The following DYSF variants were observed in gnomAD, a reference collection of about 807,000 sequenced individuals.
DYSF encodes dystrophy-associated fer-1-like 1.
A neutral mutation model predicts 274.9 loss-of-function variants in DYSF; 212 were observed. The ratio of observed to expected loss-of-function variants is 0.77; its 90% confidence interval spans 0.69 to 0.86. The LOEUF is 0.86. Among genes scored for constraint, DYSF ranks in the 40% least tolerant of loss-of-function variants. DYSF has a pLI of 0.00. For missense variants in DYSF, 2,666 were observed against 2,783.2 expected (o/e 0.96, Z 0.95); for synonymous variants, 1,091 against 1,078.7 (o/e 1.01, Z -0.22).
Position 71,612,671 on chromosome 2 carries a change from C to T in DYSF, c.4252C>T (p.Pro1418Ser), listed in dbSNP as rs151268930. 2.5e-5 allele frequency: 40 copies of T among 1,614,168 alleles called. No homozygotes were observed. The highest frequency in any genetic ancestry group is 3.4e-5 in the Non-Finnish European group (40 of 1,180,016). ...MLPREELYCP[P>S]ITVKVIDNRQ... is the part of the protein sequence containing the mutation. ...GCCCAGGGAGGAGCTCTACTGCCCC[C>T]CCATCACCGTCAAGGTCATCGATAA... is the stretch of plus-strand genomic sequence containing the variant. The change falls in exon 39 of 56, where the codon CCC (proline) becomes TCC (serine). Residue 1418 changes from proline (P) to serine (S), a missense_variant. This residue lies in a region of DYSF where 1,460 missense variants were observed against 1,502.1 expected (regional missense o/e 0.97). Transcript: ENST00000410020.
At chr2:71,632,910 C>T (rs954719392) in intron 41 of DYSF, among the ~76,000 whole-genome samples, 1 of 152,224 alleles carries the variant, frequency 6.6e-6, no homozygotes, top group Non-Finnish European at 1.5e-5. Flanking sequence ...GTCCCCTTGC[C>T]ATCTGTTTGA....
intron 33 of DYSF, among the ~76,000 whole-genome samples, chr2:71,600,057 G>C (rs1431676641): frequency 6.6e-6 from 1 of 152,196 alleles, no homozygotes; most frequent in African/African-American, 2.4e-5. Flanking sequence ...GACTCGGCAG[G>C]ACTGAGTGCA....
Position 71,520,890 on chromosome 2 carries a change from G to A in DYSF, c.1135G>A (p.Gly379Arg), listed in dbSNP as rs758663659. ...LKTSLCVLGP[G>R]DEAPLERKDP... ...AACAAGCCTTTGTGTGCTGGGGCCT[G>A]GGGACGAAGCGCCTGTGAGTACATT... is the stretch of plus-strand genomic sequence containing the variant. Residue 379 changes from glycine (G) to arginine (R), a missense_variant, in exon 12 of 56, where the codon GGG becomes AGG. Physicochemically the swap from Gly to Arg is moderately radical, Grantham distance 125 (BLOSUM62 -2). Transcript: ENST00000410020. 31 of 1,613,950 alleles carry A rather than the reference G, an allele frequency of 1.9e-5. No individual in the cohort carries two copies. The South Asian group carries it at 2.0e-4, about 10-fold the overall frequency.
chr2:71,656,248 G>A lies in DYSF; in HGVS notation c.4713G>A (p.Thr1571=), dbSNP rs369750372. 17 of 1,614,088 alleles carry A rather than the reference G, an allele frequency of 1.1e-5. No individual in the cohort carries two copies. Among genetic ancestry groups the A allele is most frequent in the African/African-American group, 6.7e-5 (5 of 74,930 alleles). The change falls in exon 43 of 56, where the codon ACG becomes ACA. Residue 1571 remains threonine (T), a synonymous_variant. Transcript: ENST00000410020. ...CCTTCAAGCTGTACCGGGGCAAGAC[G>A]CAGGAGGAGACAGAAGATCCATCTG... ...CNTFKLYRGK[T]QEETEDPSVI...
intron 51 of DYSF, among the ~76,000 whole-genome samples, chr2:71,673,514 A>AG (rs2095166987): frequency 6.6e-6 from 1 of 152,032 alleles, no homozygotes; most frequent in African/African-American, 2.4e-5. Flanking sequence ...GTGGAGAGGG[A>AG]GGAGCTGGGG....
At chr2:71,508,011 T>C (rs2085675962) in intron 4 of DYSF, among the ~76,000 whole-genome samples, 1 of 152,228 alleles carries the variant, frequency 6.6e-6, no homozygotes, top group Non-Finnish European at 1.5e-5. Flanking sequence ...GCTTGCACAT[T>C]ATGCAGCTGG....
chr2:71,641,145 CT>C (rs1251374687), intron 41 of DYSF, among the ~76,000 whole-genome samples: 1 of 146,574 alleles, frequency 6.8e-6, no homozygotes, highest in African/African-American at 2.5e-5. Context: ...AGTATATCTA[CT>C]TTTAAAAATT....
Position 71,561,774 on chromosome 2 carries a change from G to A in DYSF, c.2239G>A (p.Glu747Lys), listed in dbSNP as rs369209261. 4.6e-5 allele frequency: 75 copies of A among 1,614,030 alleles called. No individual in the cohort carries two copies. The highest frequency in any genetic ancestry group is 6.3e-5 in the Non-Finnish European group (74 of 1,180,032). The part of the protein sequence containing the change: ...GCSQPLGDIH[E>K]TPSATHLDQY... Reference sequence around the variant, plus strand: ...CAGCCAGCCTCTGGGTGACATCCATGAGACACCCTCTGCCACCCACCTGGA... The same window carrying A: ...CAGCCAGCCTCTGGGTGACATCCATAAGACACCCTCTGCCACCCACCTGGA... The change falls in exon 23 of 56, where the codon GAG becomes AAG. Residue 747 changes from glutamate to lysine, a missense_variant. By Grantham distance (56) the Glu-to-Lys change is moderately conservative. Around this residue, in one of 3 missense-constraint regions of DYSF, gnomAD observed 412 missense variants for 504.0 expected, o/e 0.82. Coordinates refer to ENST00000410020, the MANE Select transcript of DYSF (RefSeq NM_001130987.2).
At chr2:71,563,499 C>T (rs2091905235) in intron 23 of DYSF, among the ~76,000 whole-genome samples, 1 of 152,160 alleles carries the variant, frequency 6.6e-6, no homozygotes, top group Non-Finnish European at 1.5e-5. Context: ...GGCTTAGGGG[C>T]CTCACAGTTT....
intron 4 of DYSF, among the ~76,000 whole-genome samples, chr2:71,508,597 T>G (rs1204458732): frequency 6.6e-6 from 1 of 152,226 alleles, no homozygotes; most frequent in Non-Finnish European, 1.5e-5. Context: ...GTGTTTAGAT[T>G]TAGGCTGTGT....
intron 30 of DYSF, among the ~76,000 whole-genome samples, chr2:71,583,200 T>C (rs2092954165): frequency 6.6e-6 from 1 of 152,130 alleles, no homozygotes; most frequent in African/African-American, 2.4e-5. Context: ...TTCCTGAAAA[T>C]ATAATCTGCT....
intron 17 of DYSF, chr2:71,549,312 G>A (rs2090750004): frequency 6.2e-7 from 1 of 1,606,132 alleles, no homozygotes; most frequent in South Asian, 1.1e-5. Flanking sequence ...TCCCAGCCAT[G>A]CCCACCCTAA....
At chr2:71,593,621 G>A (rs2093332727) in intron 32 of DYSF, among the ~76,000 whole-genome samples, 1 of 152,166 alleles carries the variant, frequency 6.6e-6, no homozygotes, top group Non-Finnish European at 1.5e-5. Flanking sequence ...TTCCCTGAAC[G>A]GTAGCCTGAG....
At chr2:71,668,886 G>A (rs1162905097) in intron 49 of DYSF, 44 bp downstream of exon 49, 2 of 1,586,854 alleles carry the variant, frequency 1.3e-6, no homozygotes, top group Admixed American at 1.7e-5. Flanking sequence ...TGAGGGGTGG[G>A]GGCGTTGCAG....
intron 30 of DYSF, among the ~76,000 whole-genome samples, chr2:71,574,745 C>T (rs2092644302): frequency 6.6e-6 from 1 of 152,160 alleles, no homozygotes; most frequent in Non-Finnish European, 1.5e-5. Context: ...CCAGAGTGTC[C>T]TTGGTTGCAT....
chr2:71,553,176 G>A lies in DYSF; in HGVS notation c.1972G>A (p.Ala658Thr), dbSNP rs551037369. 1 of 1,614,056 alleles carries A rather than the reference G, an allele frequency of 6.2e-7. No individual in the cohort carries two copies. The highest frequency in any genetic ancestry group is 1.1e-5 in the South Asian group (1 of 91,084). Residue 658 changes from alanine (A) to threonine (T), a missense_variant, in exon 20 of 56, where the codon GCA becomes ACA. Around this residue, in one of 3 missense-constraint regions of DYSF, gnomAD observed 412 missense variants for 504.0 expected, o/e 0.82. Coordinates refer to ENST00000410020, the MANE Select transcript of DYSF (RefSeq NM_001130987.2). The part of the protein sequence containing the change: ...PLASTTQYSR[A>T]VFDGCHYYYL... ...GGCCTCCACCACTCAGTACAGCCGTGCAGTCTTTGACGGTGAGGCAGTGCT... is the reference window on the plus strand; with the variant it reads ...GGCCTCCACCACTCAGTACAGCCGTACAGTCTTTGACGGTGAGGCAGTGCT...
At chr2:71,665,031 A>T in intron 46 of DYSF, 131 bp from the exon 47 acceptor site, 1 of 1,428,086 alleles carries the variant, frequency 7.0e-7, no homozygotes, top group Admixed American at 1.7e-5. Flanking sequence ...GTGAGCAATC[A>T]GATGGGACAC....
chr2:71,615,824 C>T lies in DYSF; in HGVS notation c.4464+2414C>T, dbSNP rs185154684. Among the ~76,000 whole-genome samples, 346 of 152,316 alleles carry T rather than the reference C, an allele frequency of 2.3e-3. No homozygotes were observed. Among genetic ancestry groups the T allele is most frequent in the African/African-American group, 8.1e-3 (338 of 41,572 alleles). ...GGAGGGACGAGAGGTCTGGCAGAAT[C>T]TGGATTTTGGCTGGCTTCTGTCTGC... is the stretch of plus-strand genomic sequence containing the variant. On this transcript the variant is annotated intron_variant, in intron 40 of 55. Transcript: ENST00000410020. The surrounding 1 kb of genome is among the most constrained non-coding windows in gnomAD (Gnocchi z 4.9).
At chr2:71,651,221 T>C (rs2094652307) in intron 42 of DYSF, among the ~76,000 whole-genome samples, 1 of 151,902 alleles carries the variant, frequency 6.6e-6, no homozygotes, top group South Asian at 2.1e-4. Context: ...GAGAAAATTA[T>C]AGAATTGAAT....
Sources: gnomAD v4.1 joint callset for allele counts (sites outside exome capture counted in the v4.1 genomes callset) on GRCh38, gnomAD v4.1.1 for gene constraint, gnomAD v4.1.1 regional missense constraint, Gnocchi (gnomAD v3.1) non-coding constraint, MANE v1.5 for transcripts, NCBI Gene and HGNC (gene_info 2026-07-23, HGNC 2026-07-21) for gene names.